Variants in LRP8 observed in about 807,000 individuals in gnomAD.
LRP8 encodes low-density lipoprotein receptor-related protein 8.
A neutral mutation model predicts 111.6 loss-of-function variants in LRP8; 46 were observed. That is an observed-to-expected ratio of 0.41 (90% CI 0.33 to 0.53). The LOEUF (loss-of-function observed/expected upper bound fraction) is 0.53, where lower values mean the gene tolerates loss of function less well. Ranked by LOEUF, LRP8 falls within the 20% of genes least tolerant of loss-of-function variation. The pLI is 0.20. For synonymous variants in LRP8, 464 were observed against 511.2 expected (o/e 0.91, Z 1.24); for missense variants, 959 against 1,297.4 (o/e 0.74, Z 4.01).
At position 53,244,474 on chromosome 1, in the gene LRP8, G is replaced by A. The variant is rs1645690253; in HGVS notation, c.*2544C>T. ...TGAAAAGCCTCTATGAATGGGGGAA[G>A]GTGGATCTGACTCCTCAGGTTTCAT... On this transcript the variant is annotated 3_prime_UTR_variant, in exon 19 of 19. Transcript: ENST00000306052. 1 of 152,236 alleles carries A rather than the reference G, an allele frequency of 6.6e-6. No homozygotes were observed. The highest frequency in any genetic ancestry group is 1.5e-5 in the Non-Finnish European group (1 of 68,044). 9.4% of individuals were successfully genotyped at this position (152,236 alleles called of 1,614,324 possible).
rs1019565103 is a variant in LRP8, at chr1:53,266,101, C to T, written c.1427+372G>A. Among the ~76,000 whole-genome samples, 1 of 152,140 alleles carries T rather than the reference C, an allele frequency of 6.6e-6. No homozygotes were observed. The highest frequency in any genetic ancestry group is 6.6e-5 in the Admixed American group (1 of 15,266). On this transcript the variant is annotated intron_variant, in intron 9 of 18. Coordinates refer to ENST00000306052, the MANE Select transcript of LRP8 (RefSeq NM_004631.5). This position sits in a 1 kb window ranked among gnomAD's most constrained non-coding sequence, Gnocchi z 5.0. ...TGAGTGGGATCCTCTGGGCAGGGAC[C>T]AGGTCTAAGTCCCCAGGTTCCAACA... is the stretch of plus-strand genomic sequence containing the variant.
At chr1:53,302,855 A>ATTTTTTTTT (rs1651216845) in intron 2 of LRP8, among the ~76,000 whole-genome samples, 8 of 77,346 alleles carry the variant, frequency 1.0e-4, no homozygotes, top group East Asian at 7.5e-4. Flanking sequence ...ACACCCAGCT[A>ATTTTTTTTT]ATTTTTTTTT....
rs888282446 is a variant in LRP8 at position 53,327,799 on chromosome 1, G to C, written c.114C>G (p.Leu38=). ...ACCGGCTGCACGCACCTTGGCCGCC[G>C]AGCAGCGGATCAGCCGCTGCCGCCG... ...HLAAAAADPL[L]GGQGPAKDCE... The change falls in exon 1 of 19, where the codon CTC becomes CTG. Residue 38 remains leucine (L), a synonymous_variant. Coordinates refer to ENST00000306052, the MANE Select transcript of LRP8 (RefSeq NM_004631.5). The C allele has an allele frequency of 1.7e-5, 26 of 1,512,572 alleles. No homozygotes were observed. Among genetic ancestry groups the C allele is most frequent in the Admixed American group, 4.0e-5 (2 of 49,782 alleles). The allele number at this position is 1,512,572 out of a possible 1,614,324, so 93.7% of individuals were successfully genotyped here. A position where few individuals can be genotyped will look rare whatever the true frequency, so the allele number is the denominator to read the frequency against.
chr1:53,294,900 C>T lies in LRP8; in HGVS notation c.245-5211G>A, dbSNP rs762014800. Among the ~76,000 whole-genome samples the T allele has an allele frequency of 2.6e-5, 4 of 152,228 alleles. No homozygotes were observed. The highest frequency in any genetic ancestry group is 4.8e-5 in the African/African-American group (2 of 41,448). ...GAGCCCCGGTGCAGAGAGAAGGCTC[C>T]AAAATAAAGATTAGTCCGGGCTGCC... On this transcript the variant is annotated intron_variant, in intron 2 of 18. Transcript: ENST00000306052. The surrounding 1 kb of genome is among the most constrained non-coding windows in gnomAD (Gnocchi z 4.1).
chr1:53,256,440 C>A (rs941424367), intron 15 of LRP8, among the ~76,000 whole-genome samples: 5 of 152,228 alleles, frequency 3.3e-5, no homozygotes, highest in African/African-American at 1.2e-4. Flanking sequence ...ATGAGAGGAA[C>A]TGGAATTCAC....
At chr1:53,296,066 C>A (rs1297547982) in intron 2 of LRP8, among the ~76,000 whole-genome samples, 3 of 152,124 alleles carry the variant, frequency 2.0e-5, no homozygotes, top group African/African-American at 7.2e-5. Context: ...CCACTGGAGA[C>A]CCCAATCCTC....
rs1225033899 is a variant in LRP8, at chr1:53,280,697, G to A, written c.386C>T (p.Ala129Val). 1 of 1,612,098 alleles carries A rather than the reference G, an allele frequency of 6.2e-7. No homozygotes were observed. The highest frequency in any genetic ancestry group is 2.2e-5 in the East Asian group (1 of 44,876). The part of the protein sequence containing the change: ...EATCTKQVCP[A>V]EKLSCGPTSH... The stretch of plus-strand genomic sequence containing the variant: ...GGTGGGTCCACAGCTCAGCTTCTCT[G>A]CAGGACACACCTGCTTGGCTGTGGA... The change falls in exon 4 of 19, where the codon GCA (alanine) becomes GTA (valine). Residue 129 changes from alanine (A) to valine (V), a missense_variant. By Grantham distance (64) the Ala-to-Val change is moderately conservative (BLOSUM62 0). Around this residue, in one of 3 missense-constraint regions of LRP8, gnomAD observed 43 missense variants for 92.4 expected, o/e 0.47. Transcript: ENST00000306052.
At chr1:53,296,090 G>A (rs959100074) in intron 2 of LRP8, among the ~76,000 whole-genome samples, 23 of 152,164 alleles carry the variant, frequency 1.5e-4, no homozygotes, top group African/African-American at 4.8e-4. Flanking sequence ...GCAGGGACAC[G>A]TCTAGAGAAA....
At chr1:53,297,398 A>G (rs867767825) in intron 2 of LRP8, among the ~76,000 whole-genome samples, 12 of 152,184 alleles carry the variant, frequency 7.9e-5, no homozygotes, top group Admixed American at 2.6e-4. Context: ...CCAGAAGGCG[A>G]ACGGTTCCCA....
chr1:53,282,110 G>A (rs990183275), intron 3 of LRP8, among the ~76,000 whole-genome samples: 6 of 152,170 alleles, frequency 3.9e-5, no homozygotes, highest in African/African-American at 1.4e-4. Flanking sequence ...CATTTCTATA[G>A]CTGGGATGAG....
At chr1:53,306,359 C>CT (rs1557848411) in intron 2 of LRP8, among the ~76,000 whole-genome samples, 1 of 152,242 alleles carries the variant, frequency 6.6e-6, no homozygotes, top group Non-Finnish European at 1.5e-5. Flanking sequence ...TGTTCTAGTG[C>CT]TGTCTAGCTG....
chr1:53,291,261 G>GC (rs1043596088), intron 2 of LRP8, among the ~76,000 whole-genome samples: 16 of 152,132 alleles, frequency 1.1e-4, no homozygotes, highest in African/African-American at 3.9e-4. Context: ...GGATACCTCA[G>GC]CACAGCAGTG....
intron 2 of LRP8, among the ~76,000 whole-genome samples, chr1:53,314,336 T>C (rs1053657107): frequency 2.0e-5 from 3 of 152,236 alleles, no homozygotes; most frequent in Admixed American, 6.5e-5. Context: ...CTAACATTTA[T>C]AGAGCCTGCG....
At chr1:53,278,185 T>C (rs1353313841) in intron 4 of LRP8, among the ~76,000 whole-genome samples, 1 of 152,216 alleles carries the variant, frequency 6.6e-6, no homozygotes, top group Non-Finnish European at 1.5e-5. Flanking sequence ...CATTTGGGGC[T>C]TTTCTTTCCT....
chr1:53,264,583 C>T (rs1273300641), intron 9 of LRP8, among the ~76,000 whole-genome samples, 187 bp from the exon 10 acceptor site: 1 of 152,184 alleles, frequency 6.6e-6, no homozygotes, highest in African/African-American at 2.4e-5. Flanking sequence ...ACATGGGCCA[C>T]GGTCTCTGGC....
Position 53,243,456 on chromosome 1 carries a change from G to A in LRP8, c.*3562C>T, listed in dbSNP as rs1645677030. 1.3e-5 allele frequency: 2 copies of A among 152,212 alleles called. No individual in the cohort carries two copies. The highest frequency in any genetic ancestry group is 4.8e-5 in the African/African-American group (2 of 41,450). The allele number at this position is 152,212 out of a possible 1,614,324, so 9.4% of individuals were successfully genotyped here. A position where few individuals can be genotyped will look rare whatever the true frequency, so the allele number is the denominator to read the frequency against. On this transcript the variant is annotated 3_prime_UTR_variant, in exon 19 of 19. Transcript: ENST00000306052. ...CCCTTTGGCCACTGGAAAGCTTGAG[G>A]CTGAATAATATCAGTTCTGCAAAGT...
At chr1:53,272,107 T>A (rs568732367) in intron 6 of LRP8, among the ~76,000 whole-genome samples, 1 of 152,110 alleles carries the variant, frequency 6.6e-6, no homozygotes, top group South Asian at 2.1e-4. Context: ...GGGCCTTTTT[T>A]AACATGGAGC....
chr1:53,268,852 C>T (rs1162410118), intron 8 of LRP8, among the ~76,000 whole-genome samples: 1 of 152,130 alleles, frequency 6.6e-6, no homozygotes, highest in African/African-American at 2.4e-5. Context: ...GCAGTCTGTC[C>T]ACTTTTCATT....
chr1:53,256,100 T>C (rs1646078199), intron 15 of LRP8, among the ~76,000 whole-genome samples: 1 of 152,258 alleles, frequency 6.6e-6, no homozygotes, highest in Non-Finnish European at 1.5e-5. Context: ...TGAAGCACTT[T>C]ATAGTTCAGA....
Sources: gnomAD v4.1 joint callset for allele counts (sites outside exome capture counted in the v4.1 genomes callset) on GRCh38, gnomAD v4.1.1 for gene constraint, gnomAD v4.1.1 regional missense constraint, Gnocchi (gnomAD v3.1) non-coding constraint, MANE v1.5 for transcripts, NCBI Gene and HGNC (gene_info 2026-07-23, HGNC 2026-07-21) for gene names.